Variants in STON2 observed in about 807,000 individuals in gnomAD.
STON2 encodes stonin-2.
Under a neutral mutation model 65.7 loss-of-function variants are expected in STON2, and 29 were observed. That is an observed-to-expected ratio of 0.44 (90% CI 0.33 to 0.60). The LOEUF (loss-of-function observed/expected upper bound fraction) is 0.60. STON2 is among the 20% of genes least tolerant of loss of function. The probability of loss-of-function intolerance (pLI) is 0.03; values close to 1 mark genes in which losing one functional copy is unlikely to be tolerated. For synonymous variants in STON2, 404 were observed against 414.2 expected (o/e 0.98, Z 0.30); for missense variants, 1,054 against 1,118.1 (o/e 0.94, Z 0.82).
At position 81,407,610 on chromosome 14, in the gene STON2, G is replaced by C. The variant is rs139396935; in HGVS notation, c.-198-9030C>G. 7.2e-5 allele frequency among the ~76,000 whole-genome samples: 11 copies of C among 152,268 alleles called. No individual in the cohort carries two copies. In the East Asian group the frequency reaches 2.1e-3, roughly 29 times the overall value. Reference sequence around the variant, plus strand: ...ATTGGCAACCACTGTCCAGTCATCTGTTTGGAGTTTATGCAGAAACATCTT... The same window carrying C: ...ATTGGCAACCACTGTCCAGTCATCTCTTTGGAGTTTATGCAGAAACATCTT... On this transcript the variant is annotated intron_variant, in intron 2 of 8. Transcript: ENST00000553821.
At chr14:81,302,016 T>C (rs1450939611) in intron 5 of STON2, among the ~76,000 whole-genome samples, 1 of 152,132 alleles carries the variant, frequency 6.6e-6, no homozygotes, top group Non-Finnish European at 1.5e-5. Flanking sequence ...ATGCATAACA[T>C]GACACTGTGC....
intron 4 of STON2, among the ~76,000 whole-genome samples, chr14:81,336,422 T>C (rs1475411197): frequency 6.6e-6 from 1 of 152,090 alleles, no homozygotes; most frequent in East Asian, 1.9e-4. Context: ...TTCTGACTTC[T>C]ACTCCAGTGC....
chr14:81,429,817 C>A (rs1231217826), intron 1 of STON2, among the ~76,000 whole-genome samples: 1 of 152,062 alleles, frequency 6.6e-6, no homozygotes, highest in African/African-American at 2.4e-5. Context: ...CGCCTGTAAT[C>A]CCCGCTACTC....
chr14:81,426,946 A>G (rs1902006670), intron 2 of STON2, among the ~76,000 whole-genome samples: 1 of 152,208 alleles, frequency 6.6e-6, no homozygotes, highest in African/African-American at 2.4e-5. Context: ...GCTATTTGAT[A>G]AACACTTACG....
chr14:81,409,493 T>C (rs185944852), intron 2 of STON2, among the ~76,000 whole-genome samples: 15 of 151,916 alleles, frequency 9.9e-5, no homozygotes, highest in African/African-American at 2.7e-4. Flanking sequence ...ATCAATGAAA[T>C]TGTCTTATTT....
intron 4 of STON2, among the ~76,000 whole-genome samples, chr14:81,331,304 G>A (rs1035734977): frequency 6.6e-6 from 1 of 152,220 alleles, no homozygotes; most frequent in African/African-American, 2.4e-5. Context: ...ATGTGGATAG[G>A]AGAATTATGC....
At position 81,260,710 on chromosome 14, in the gene STON2, CAGT is replaced by C. The variant is rs1393023038; in HGVS notation, c.*7701_*7703del. ...TTCATAGCTCAGAAAAGGATATAAT[CAGT>C]AGAACAACTAAAAACAAAACCTCAC... On this transcript the variant is annotated 3_prime_UTR_variant, in exon 8 of 8. Transcript: ENST00000614646. The C allele has an allele frequency of 6.6e-6, 1 of 151,796 alleles. No homozygotes were observed. Among genetic ancestry groups the C allele is most frequent in the African/African-American group, 2.4e-5 (1 of 41,260 alleles). 9.4% of individuals were successfully genotyped at this position (151,796 alleles called of 1,614,324 possible). A position where few individuals can be genotyped will look rare whatever the true frequency, so the allele number is the denominator to read the frequency against.
chr14:81,286,315 A>G (rs888843028), intron 5 of STON2, among the ~76,000 whole-genome samples: 2 of 152,226 alleles, frequency 1.3e-5, no homozygotes, highest in Non-Finnish European at 2.9e-5. Context: ...ACTACAGACA[A>G]ATCTTTCATG....
chr14:81,294,588 G>T (rs1474022475), intron 5 of STON2, among the ~76,000 whole-genome samples: 2 of 152,162 alleles, frequency 1.3e-5, no homozygotes, highest in African/African-American at 4.8e-5. Flanking sequence ...TAATGTATAT[G>T]AAGTATATAT....
intron 3 of STON2, among the ~76,000 whole-genome samples, chr14:81,393,200 G>A (rs1198085269): frequency 3.3e-5 from 5 of 152,172 alleles, no homozygotes; most frequent in African/African-American, 7.2e-5. Context: ...CAAATTGACT[G>A]TCATATAAAT....
At chr14:81,402,255 AC>A (rs1465467509), upstream of STON2, among the ~76,000 whole-genome samples, 1 of 152,044 alleles carries the variant, frequency 6.6e-6, no homozygotes, top group Non-Finnish European at 1.5e-5. Flanking sequence ...AGCCATCAGT[AC>A]CTCCGGTGTG....
intron 1 of STON2, among the ~76,000 whole-genome samples, chr14:81,428,659 G>T (rs911962113): frequency 1.3e-5 from 2 of 152,100 alleles, no homozygotes; most frequent in African/African-American, 4.8e-5. Context: ...GGAGGCAGAG[G>T]CTGCAGTGAA....
chr14:81,318,096 G>A (rs1468217234), intron 5 of STON2, among the ~76,000 whole-genome samples: 1 of 152,134 alleles, frequency 6.6e-6, no homozygotes, highest in Non-Finnish European at 1.5e-5. Flanking sequence ...CTCCCGAGTA[G>A]CTAGGATTAC....
At chr14:81,418,841 T>C (rs1595466090) in intron 2 of STON2, among the ~76,000 whole-genome samples, 1 of 152,312 alleles carries the variant, frequency 6.6e-6, no homozygotes, top group African/African-American at 2.4e-5. Context: ...ACTTAGGTAG[T>C]CTCAAGCCCC....
intron 4 of STON2, among the ~76,000 whole-genome samples, chr14:81,365,148 T>C (rs1429256999): frequency 1.3e-5 from 2 of 152,202 alleles, no homozygotes; most frequent in Non-Finnish European, 2.9e-5. Flanking sequence ...GCATGCTTTT[T>C]GCAAGTGGTT....
chr14:81,309,682 G>T (rs7155930), intron 5 of STON2, among the ~76,000 whole-genome samples: 9 of 152,128 alleles, frequency 5.9e-5, no homozygotes, highest in East Asian at 5.8e-4. Flanking sequence ...ATGTATCTAA[G>T]GGACAGGGTT....
Position 81,270,788 on chromosome 14 carries a change from T to G in STON2, c.2666A>C (p.Asn889Thr). 6.2e-7 allele frequency: 1 copy of G among 1,614,142 alleles called. No individual in the cohort carries two copies. Among genetic ancestry groups the G allele is most frequent in the Non-Finnish European group, 8.5e-7 (1 of 1,180,028 alleles). Residue 889 changes from asparagine to threonine, a missense_variant, in exon 7 of 8, where the codon AAT becomes ACT. Transcript: ENST00000614646. ...AGTTGTGGGCATGCTGAACTCGACA[T>G]TCACGTGATTGGCAAATCTGGAAGG... ...EVPSRFANHV[N>T]VEFSMPTTSA... is the part of the protein sequence containing the mutation.
intron 5 of STON2, among the ~76,000 whole-genome samples, chr14:81,285,756 T>C (rs1342549946): frequency 6.6e-6 from 1 of 152,222 alleles, no homozygotes; most frequent in Non-Finnish European, 1.5e-5. Context: ...TTGGGTACTA[T>C]GCTTACTACC....
Position 81,277,934 on chromosome 14 carries a change from C to T in STON2, c.1548G>A (p.Leu516=). The T allele has an allele frequency of 1.2e-6, 2 of 1,614,182 alleles. No homozygotes were observed. Among genetic ancestry groups the T allele is most frequent in the Non-Finnish European group, 1.7e-6 (2 of 1,180,044 alleles). Residue 516 remains leucine (L), a synonymous_variant, in exon 6 of 8, where the codon CTG becomes CTA. Transcript: ENST00000614646. ...IFVKLTDTGY[L]QLYYEQGLEK... is the part of the protein sequence containing the mutation. ...CTAGGCCCTGCTCATAATACAGCTGCAGGTAACCAGTGTCTGTCAGTTTGA... is the reference window on the plus strand; with the variant it reads ...CTAGGCCCTGCTCATAATACAGCTGTAGGTAACCAGTGTCTGTCAGTTTGA...
Sources: allele counts gnomAD v4.1 joint callset (sites outside exome capture counted in the v4.1 genomes callset), GRCh38; gene constraint gnomAD v4.1.1; transcripts MANE v1.5; gene names NCBI Gene and HGNC (gene_info 2026-07-23, HGNC 2026-07-21).